The following CLCN1 variants were observed in gnomAD, a reference collection of about 807,000 sequenced individuals.
CLCN1 encodes chloride voltage-gated channel 1, also known as chloride channel protein 1.
A neutral mutation model predicts 114.5 loss-of-function variants in CLCN1; 100 were observed. That is an observed-to-expected ratio of 0.87 (90% CI 0.74 to 1.03). CLCN1 has a LOEUF of 1.03. Among genes scored for constraint, CLCN1 ranks in the 50% least tolerant of loss-of-function variants. The pLI is 0.00. For missense variants in CLCN1, 1,188 were observed against 1,250.0 expected (o/e 0.95, Z 0.75); for synonymous variants, 485 against 487.1 (o/e 1.00, Z 0.06).
intron 17 of CLCN1, 81 bp from the exon 18 acceptor site, chr7:143,346,059 G>A: frequency 1.0e-6 from 1 of 1,004,182 alleles, no homozygotes; most frequent in African/African-American, 1.6e-5. Context: ...CGCTTTCCCA[G>A]AACATCCACC....
Position 143,339,394 on chromosome 7 carries a change from C to A in CLCN1, c.1471+72C>A. The A allele has an allele frequency of 7.2e-7, 1 of 1,395,938 alleles. No individual in the cohort carries two copies. Among genetic ancestry groups the A allele is most frequent in the Non-Finnish European group, 1.0e-6 (1 of 981,188 alleles). 86.5% of individuals were successfully genotyped at this position (1,395,938 alleles called of 1,614,324 possible). A position where few individuals can be genotyped will look rare whatever the true frequency, so the allele number is the denominator to read the frequency against. Reference sequence around the variant, plus strand: ...AGGATACAGGAAACATAAGGAAAGGCCCGGGATGCTGGGAGTTTATATTTG... The same window carrying A: ...AGGATACAGGAAACATAAGGAAAGGACCGGGATGCTGGGAGTTTATATTTG... On this transcript the variant is annotated intron_variant, in intron 13 of 22. Transcript: ENST00000343257. The surrounding 1 kb of genome is among the most constrained non-coding windows in gnomAD (Gnocchi z 4.1).
At chr7:143,320,573 C>CA in intron 2 of CLCN1, 91 bp from the exon 3 acceptor site, 1 of 940,438 alleles carries the variant, frequency 1.1e-6, no homozygotes, top group South Asian at 1.4e-5. Context: ...CTCTCTCTCT[C>CA]TCTCTCTCTC....
At chr7:143,319,941 T>C in intron 2 of CLCN1, 66 bp downstream of exon 2, 1 of 1,571,774 alleles carries the variant, frequency 6.4e-7, no homozygotes, top group Non-Finnish European at 8.7e-7. Context: ...GAGAATAACT[T>C]GGGCATCCCA....
chr7:143,329,920 C>T (rs890838810), intron 7 of CLCN1, among the ~76,000 whole-genome samples: 3 of 152,016 alleles, frequency 2.0e-5, no homozygotes, highest in Non-Finnish European at 2.9e-5. Flanking sequence ...TTGCTTTTTA[C>T]GCCCTCACTC....
intron 8 of CLCN1, 32 bp downstream of exon 8, chr7:143,330,929 T>C (rs747534917): frequency 2.5e-6 from 4 of 1,613,892 alleles, no homozygotes; most frequent in Admixed American, 1.7e-5. Context: ...GGAGGCCATG[T>C]GAAATAGAAA....
intron 14 of CLCN1, 112 bp from the exon 15 acceptor site, chr7:143,341,817 C>A: frequency 1.2e-6 from 1 of 816,138 alleles, no homozygotes; most frequent in Non-Finnish European, 2.1e-6. Flanking sequence ...TGAGTATTGG[C>A]ACTGACCAGG....
chr7:143,324,312 G>C lies in CLCN1; in HGVS notation c.775-102G>C. ...GACCACAAGGACTCCTTTTGACTTA[G>C]GCCTCTCATTCTGCCTTATTCCCCA... On this transcript the variant is annotated intron_variant, in intron 6 of 22. Transcript: ENST00000343257. The surrounding 1 kb of genome is among the most constrained non-coding windows in gnomAD (Gnocchi z 4.6). 1 of 839,718 alleles carries C rather than the reference G, an allele frequency of 1.2e-6. No homozygotes were observed. The highest frequency in any genetic ancestry group is 2.1e-6 in the Non-Finnish European group (1 of 480,002). The allele number at this position is 839,718 out of a possible 1,614,324, so 52.0% of individuals were successfully genotyped here.
rs897376991 is a variant in CLCN1, at chr7:143,339,968, T to G, written c.1582+347T>G. On this transcript the variant is annotated intron_variant, in intron 14 of 22. Transcript: ENST00000343257. This position sits in a 1 kb window ranked among gnomAD's most constrained non-coding sequence, Gnocchi z 4.1. ...TTGGCTCAGGTTGCAGGTGATTGAC[T>G]CAACCTGAGACGTGTTGATATTGAT... Among the ~76,000 whole-genome samples, 2 of 152,152 alleles carry G rather than the reference T, an allele frequency of 1.3e-5. No homozygotes were observed. The highest frequency in any genetic ancestry group is 4.8e-5 in the African/African-American group (2 of 41,426).
At position 143,319,781 on chromosome 7, in the gene CLCN1, C is replaced by G; in HGVS notation, c.207C>G (p.Phe69Leu). Residue 69 changes from phenylalanine (F) to leucine (L), a missense_variant, in exon 2 of 23, where the codon TTC becomes TTG. Physicochemically the swap from Phe to Leu is conservative, Grantham distance 22. Transcript: ENST00000343257. ...TTTATGGCCATCACAAAGAACAATTCTCAGACAGGGAGCAGGACATAGGGA... is the reference window on the plus strand; with the variant it reads ...TTTATGGCCATCACAAAGAACAATTGTCAGACAGGGAGCAGGACATAGGGA... Reference protein sequence around the residue: ...TQIYGHHKEQFSDREQDIGMP... With the variant: ...TQIYGHHKEQLSDREQDIGMP... 6.2e-7 allele frequency: 1 copy of G among 1,613,852 alleles called. No individual in the cohort carries two copies. The highest frequency in any genetic ancestry group is 1.1e-5 in the South Asian group (1 of 91,080).
intron 16 of CLCN1, 79 bp downstream of exon 16, chr7:143,342,584 T>G: frequency 6.8e-7 from 1 of 1,477,092 alleles, no homozygotes; most frequent in Non-Finnish European, 9.4e-7. Flanking sequence ...GGCCCCATGG[T>G]GGGGGCTTTG....
chr7:143,331,222 C>A lies in CLCN1; in HGVS notation c.980-10C>A. 2 of 1,599,462 alleles carry A rather than the reference C, an allele frequency of 1.3e-6. No individual in the cohort carries two copies. The highest frequency in any genetic ancestry group is 1.3e-5 in the African/African-American group (1 of 74,708). Reference sequence around the variant, plus strand: ...GCTCCCATCGTAATACTGGCCTTTCCATCCTACAGTCACCATCACTGCTCT... The same window carrying A: ...GCTCCCATCGTAATACTGGCCTTTCAATCCTACAGTCACCATCACTGCTCT... On this transcript the variant is annotated splice_polypyrimidine_tract_variant and intron_variant, in intron 8 of 22. Coordinates refer to ENST00000343257, the MANE Select transcript of CLCN1 (RefSeq NM_000083.3).
intron 7 of CLCN1, among the ~76,000 whole-genome samples, chr7:143,327,364 G>T (rs1009631131): frequency 2.6e-5 from 4 of 152,198 alleles, no homozygotes; most frequent in Non-Finnish European, 4.4e-5. Context: ...GTGGGCATGG[G>T]ATTTGTAGTA....
chr7:143,330,966 C>G, intron 8 of CLCN1, 69 bp downstream of exon 8: 3 of 1,607,362 alleles, frequency 1.9e-6, no homozygotes, highest in Non-Finnish European at 2.6e-6. Flanking sequence ...CAGAGGAAAA[C>G]TCTGTGGGGC....
intron 7 of CLCN1, among the ~76,000 whole-genome samples, chr7:143,327,468 C>T (rs1273241785): frequency 6.6e-6 from 1 of 152,006 alleles, no homozygotes; most frequent in African/African-American, 2.4e-5. Flanking sequence ...CTTTGAGTGT[C>T]CACCCAATCC....
Position 143,316,264 on chromosome 7 carries a change from A to G in CLCN1, c.52A>G (p.Ser18Gly), listed in dbSNP as rs1586479385. The change falls in exon 1 of 23, where the codon AGT (serine) becomes GGT (glycine). Residue 18 changes from serine to glycine, a missense_variant. Physicochemically the swap from Ser to Gly is moderately conservative, Grantham distance 56. Transcript: ENST00000343257. ...TGGGGGTGAACAAAGCTGGTGGGGT[A>G]GTGACCCCCAGTACCAGTATATGCC... The part of the protein sequence containing the change: ...QRGGEQSWWG[S>G]DPQYQYMPFE... The G allele has an allele frequency of 6.2e-7, 1 of 1,613,148 alleles. No individual in the cohort carries two copies. Among genetic ancestry groups the G allele is most frequent in the Non-Finnish European group, 8.5e-7 (1 of 1,179,206 alleles).
chr7:143,343,664 C>A (rs527584922), intron 16 of CLCN1, among the ~76,000 whole-genome samples: 2 of 152,250 alleles, frequency 1.3e-5, no homozygotes, highest in South Asian at 2.1e-4. Context: ...TTCTTTAATG[C>A]CCAACTTATG....
intron 14 of CLCN1, among the ~76,000 whole-genome samples, chr7:143,340,536 C>T (rs1803049535): frequency 6.6e-6 from 1 of 151,658 alleles, no homozygotes; most frequent in Non-Finnish European, 1.5e-5. Context: ...TCTCCTTCTC[C>T]TTCTCTTCTC....
At chr7:143,341,777 A>G (rs1803082473) in intron 14 of CLCN1, 152 bp from the exon 15 acceptor site, 53 of 703,736 alleles carry the variant, frequency 7.5e-5, no homozygotes, top group South Asian at 7.1e-4. Flanking sequence ...AGAGTTCAGT[A>G]TTCTATTCCC....
intron 12 of CLCN1, among the ~76,000 whole-genome samples, chr7:143,338,244 T>G (rs1327952972): frequency 1.3e-5 from 2 of 152,130 alleles, no homozygotes; most frequent in Non-Finnish European, 2.9e-5. Flanking sequence ...CCTTAGAGAT[T>G]TTTTTTCTAT....
Sources: gnomAD v4.1 joint callset for allele counts (sites outside exome capture counted in the v4.1 genomes callset) on GRCh38, gnomAD v4.1.1 for gene constraint, Gnocchi (gnomAD v3.1) non-coding constraint, MANE v1.5 for transcripts, NCBI Gene and HGNC (gene_info 2026-07-23, HGNC 2026-07-21) for gene names.